SMAD4: variants seen among roughly 807,000 people sequenced by gnomAD.
SMAD4 encodes MAD homolog 4.
SMAD4 carries 7 observed loss-of-function variants against 63.2 expected under a neutral mutation model. That is an observed-to-expected ratio of 0.11 (90% CI 0.06 to 0.21). SMAD4 has a LOEUF of 0.21. SMAD4 is among the 10% of genes least tolerant of loss of function. The pLI, the probability that SMAD4 is intolerant of heterozygous loss-of-function variation, is 1.00. For synonymous variants in SMAD4, 215 were observed against 235.4 expected (o/e 0.91, Z 0.79); for missense variants, 312 against 693.8 (o/e 0.45, Z 6.18).
chr18:51,080,151 A>G lies in SMAD4; in HGVS notation c.*1684A>G, dbSNP rs146563723. 83 of 232,558 alleles carry G rather than the reference A, an allele frequency of 3.6e-4. 3 individuals carry two copies. The highest frequency in any genetic ancestry group is 3.5e-4 in the African/African-American group (16 of 45,422). The allele number at this position is 232,558 out of a possible 1,614,324, so 14.4% of individuals were successfully genotyped here. ...CACTTGTGTGATGATAGTCCTCCTT[A>G]TATCACCTGGAATGAACACAGCTTC... On this transcript the variant is annotated 3_prime_UTR_variant, in exon 12 of 12. Coordinates refer to ENST00000342988, the MANE Select transcript of SMAD4 (RefSeq NM_005359.6).
intron 1 of SMAD4, among the ~76,000 whole-genome samples, chr18:51,038,352 G>A (rs183895656): frequency 8.5e-5 from 13 of 152,128 alleles, no homozygotes; most frequent in South Asian, 8.3e-4. Flanking sequence ...TTACAAAATC[G>A]TGCATGGGTA....
rs183472455 is a variant in SMAD4, at chr18:51,084,989, C to T, written c.*6522C>T. On this transcript the variant is annotated 3_prime_UTR_variant, in exon 12 of 12. Coordinates refer to ENST00000342988, the MANE Select transcript of SMAD4 (RefSeq NM_005359.6). ...GTGGCTAAAAAATAGTCGAACCTTT[C>T]TTGAGAACTCTGTAACAAAGTATGT... is the stretch of plus-strand genomic sequence containing the variant. The T allele has an allele frequency of 5.5e-4, 115 of 207,580 alleles. 2 individuals carry two copies. The highest frequency in any genetic ancestry group is 2.1e-3 in the South Asian group (11 of 5,318). The allele number at this position is 207,580 out of a possible 1,614,324, so 12.9% of individuals were successfully genotyped here.
intron 8 of SMAD4, among the ~76,000 whole-genome samples, chr18:51,060,873 G>T (rs1163897977): frequency 1.3e-5 from 2 of 151,786 alleles, no homozygotes; most frequent in Non-Finnish European, 2.9e-5. Flanking sequence ...GGCTAAAGCA[G>T]TCCTCCTGCT....
At chr18:51,040,519 A>G (rs567181340) in intron 1 of SMAD4, among the ~76,000 whole-genome samples, 2 of 152,362 alleles carry the variant, frequency 1.3e-5, no homozygotes, top group South Asian at 2.1e-4. Context: ...TAGAAAATAC[A>G]TGTTTGACAC....
chr18:51,073,431 A>ACACC (rs1910386215), intron 10 of SMAD4, among the ~76,000 whole-genome samples: 1 of 132,240 alleles, frequency 7.6e-6, no homozygotes, highest in African/African-American at 2.7e-5. Context: ...ACACACACAC[A>ACACC]CACCATACTT....
intron 10 of SMAD4, among the ~76,000 whole-genome samples, chr18:51,073,388 T>TATATATATATACACACACACACAC (rs1417299090): frequency 1.6e-5 from 1 of 64,186 alleles, no homozygotes; most frequent in Admixed American, 1.9e-4. Flanking sequence ...TATATATATA[T>TATATATATATACACACACACACAC]ACACACACAC....
chr18:51,067,643 C>T (rs1367269871), intron 10 of SMAD4, among the ~76,000 whole-genome samples: 5 of 152,024 alleles, frequency 3.3e-5, no homozygotes, highest in Admixed American at 3.3e-4. Context: ...GAACTCCTGA[C>T]CTAAAGTGAT....
chr18:51,078,161 A>G, intron 11 of SMAD4, 95 bp from the exon 12 acceptor site: 1 of 1,025,572 alleles, frequency 9.8e-7, no homozygotes, highest in East Asian at 2.4e-5. Context: ...GGAGAATGAA[A>G]TACAGAAAGC....
rs753440205 is a variant in SMAD4 at position 51,055,012 on chromosome 18, TGTA to T, written c.667+22_667+24del. The T allele has an allele frequency of 1.2e-5, 19 of 1,586,596 alleles. No individual in the cohort carries two copies. Among genetic ancestry groups the T allele is most frequent in the Admixed American group, 5.0e-5 (3 of 59,986 alleles). ...TCCACAAGTGAGTTCTAGAATCAGATGTAGTCAGCAAGTTGAGTTTTCCTAATC... is the reference window on the plus strand; with the variant it reads ...TCCACAAGTGAGTTCTAGAATCAGATGTCAGCAAGTTGAGTTTTCCTAATC... On this transcript the variant is annotated intron_variant, in intron 5 of 11. Coordinates refer to ENST00000342988, the MANE Select transcript of SMAD4 (RefSeq NM_005359.6).
At chr18:51,047,971 T>C (rs1249673449) in intron 2 of SMAD4, among the ~76,000 whole-genome samples, 2 of 152,196 alleles carry the variant, frequency 1.3e-5, no homozygotes, top group East Asian at 3.8e-4. Context: ...TTAGTCCTTT[T>C]ATAATTTAGA....
chr18:51,030,721 C>G (rs1349161372), intron 1 of SMAD4, 98 bp downstream of exon 1: 1 of 151,272 alleles, frequency 6.6e-6, no homozygotes, highest in Non-Finnish European at 1.5e-5. Context: ...ACGGCGGCGG[C>G]GGCGGCGGCG....
intron 5 of SMAD4, 93 bp downstream of exon 5, chr18:51,055,086 T>A: frequency 1.1e-6 from 1 of 911,550 alleles, no homozygotes; most frequent in Non-Finnish European, 1.8e-6. Flanking sequence ...TCCAAGTAAG[T>A]AAACATTAAA....
intron 1 of SMAD4, among the ~76,000 whole-genome samples, chr18:51,042,868 A>G (rs1909432231): frequency 6.6e-6 from 1 of 152,176 alleles, no homozygotes; most frequent in African/African-American, 2.4e-5. Context: ...AGAGTTCACC[A>G]TTTGGGAAAA....
chr18:51,036,497 T>TA (rs1909209387), intron 1 of SMAD4, among the ~76,000 whole-genome samples: 1 of 152,174 alleles, frequency 6.6e-6, no homozygotes, highest in South Asian at 2.1e-4. Context: ...TCATTGTACA[T>TA]AAACACATTA....
chr18:51,064,186 A>T (rs924861188), intron 8 of SMAD4, among the ~76,000 whole-genome samples: 1 of 152,204 alleles, frequency 6.6e-6, no homozygotes, highest in Admixed American at 6.5e-5. Context: ...AGATACAGAT[A>T]AATCTTTCTT....
In SMAD4 at chr18:51,078,676, A is replaced by G; in HGVS notation, c.*209A>G. The G allele has an allele frequency of 1.8e-6, 1 of 551,750 alleles. No individual in the cohort carries two copies. Among genetic ancestry groups the G allele is most frequent in the South Asian group, 2.6e-5 (1 of 38,996 alleles). 34.2% of individuals were successfully genotyped at this position (551,750 alleles called of 1,614,324 possible). On this transcript the variant is annotated 3_prime_UTR_variant, in exon 12 of 12. Coordinates refer to ENST00000342988, the MANE Select transcript of SMAD4 (RefSeq NM_005359.6). Reference sequence around the variant, plus strand: ...CTTCAGAACTTGTCAGGCATGGCTCAGAGCTTGAAGATTAGGAGAAACACA... The same window carrying G: ...CTTCAGAACTTGTCAGGCATGGCTCGGAGCTTGAAGATTAGGAGAAACACA...
At position 51,079,985 on chromosome 18, in the gene SMAD4, T is replaced by C. The variant is rs887777645; in HGVS notation, c.*1518T>C. The stretch of plus-strand genomic sequence containing the variant: ...AGTTGGTTTTTTTTTTTTTTAATTT[T>C]TATTTTACTATAGCAGAAATAGACC... On this transcript the variant is annotated 3_prime_UTR_variant, in exon 12 of 12. Coordinates refer to ENST00000342988, the MANE Select transcript of SMAD4 (RefSeq NM_005359.6). The C allele has an allele frequency of 5.2e-5, 12 of 232,024 alleles. No homozygotes were observed. The highest frequency in any genetic ancestry group is 7.7e-5 in the Non-Finnish European group (9 of 117,474). The allele number at this position is 232,024 out of a possible 1,614,324, so 14.4% of individuals were successfully genotyped here. A position where few individuals can be genotyped will look rare whatever the true frequency, so the allele number is the denominator to read the frequency against.
chr18:51,067,756 A>C (rs1294042864), intron 10 of SMAD4, among the ~76,000 whole-genome samples: 3 of 152,170 alleles, frequency 2.0e-5, no homozygotes, highest in Non-Finnish European at 2.9e-5. Context: ...GAAAATACTG[A>C]GTGAAGCCTC....
At chr18:51,061,902 C>T (rs1910024241) in intron 8 of SMAD4, among the ~76,000 whole-genome samples, 1 of 151,974 alleles carries the variant, frequency 6.6e-6, no homozygotes, top group Non-Finnish European at 1.5e-5. Flanking sequence ...TTTCTTCTAG[C>T]TGTTTAAAAA....
Sources: gnomAD v4.1 joint callset for allele counts (sites outside exome capture counted in the v4.1 genomes callset) on GRCh38, gnomAD v4.1.1 for gene constraint, MANE v1.5 for transcripts, NCBI Gene and HGNC (gene_info 2026-07-23, HGNC 2026-07-21) for gene names.